TRIM31: variants seen among roughly 807,000 people sequenced by gnomAD.
The protein encoded by TRIM31 is tripartite motif containing 31, also known as E3 ubiquitin-protein ligase TRIM31.
TRIM31 carries 31 observed loss-of-function variants against 40.6 expected under a neutral mutation model. The ratio of observed to expected loss-of-function variants is 0.76; its 90% CI spans 0.57 to 1.03. The LOEUF is 1.03. Ranked by LOEUF, TRIM31 falls within the 50% of genes least tolerant of loss-of-function variation. The probability of loss-of-function intolerance (pLI) is 0.00; values close to 1 mark genes in which losing one functional copy is unlikely to be tolerated. For missense variants in TRIM31, 455 were observed against 497.5 expected, an observed-to-expected ratio of 0.91 and a Z score of 0.81; for synonymous variants, 164 against 193.9, an observed-to-expected ratio of 0.85 and a Z score of 1.28.
chr6:30,103,583 A>ACTCACT lies in TRIM31; in HGVS notation c.1225_1230dup (p.Ser409_Glu410dup). The ACTCACT allele has an allele frequency of 6.2e-7, 1 of 1,612,982 alleles. No homozygotes were observed. The highest frequency in any genetic ancestry group is 1.6e-4 in the Middle Eastern group (1 of 6,062). On this transcript the variant is annotated inframe_insertion, in exon 9 of 9. Coordinates refer to ENST00000376734, the MANE Select transcript of TRIM31 (RefSeq NM_007028.5). ...AACCAAGCCCGGATCGCTGTCAGCC[A>ACTCACT]CTCACTCAGTGCCGCATGGAGCTCC...
In TRIM31 at chr6:30,110,655, T is replaced by C. The variant is rs1296973683; in HGVS notation, c.537A>G (p.Gln179=). The change falls in exon 4 of 9, where the codon CAA becomes CAG. Residue 179 remains glutamine (Q), a synonymous_variant. Transcript: ENST00000376734. ...GGAGTTCAAATTCTGTGAGGATCCTTTGCTTCTCATGTTCTACCTGGTCCT... is the reference window on the plus strand; with the variant it reads ...GGAGTTCAAATTCTGTGAGGATCCTCTGCTTCTCATGTTCTACCTGGTCCT... The part of the protein sequence containing the change: ...VFTDQVEHEK[Q]RILTEFELLH... 6.2e-7 allele frequency: 1 copy of C among 1,614,084 alleles called. No homozygotes were observed. The highest frequency in any genetic ancestry group is 1.3e-5 in the African/African-American group (1 of 74,928).
At chr6:30,111,030 C>CTTTTTTTTTTTTTTTTTTTTTTTTT (rs9278578) in intron 3 of TRIM31, among the ~76,000 whole-genome samples, 80 of 114,288 alleles carry the variant, frequency 7.0e-4, no homozygotes, top group Middle Eastern at 4.4e-3. Context: ...TTCCTTCTGT[C>CTTTTTTTTTTTTTTTTTTTTTTTTT]TTTTTTTTTT....
intron 2 of TRIM31, chr6:30,111,973 A>G (rs1769377041): frequency 1.7e-6 from 1 of 586,232 alleles, no homozygotes; most frequent in East Asian, 2.8e-5. Context: ...AACTAGGACT[A>G]TGGATGGTGC....
chr6:30,111,030 C>CTTTTTGTTTTTTTTTTTTT (rs1769255096), intron 3 of TRIM31, among the ~76,000 whole-genome samples: 1 of 114,310 alleles, frequency 8.7e-6, no homozygotes, highest in Non-Finnish European at 1.8e-5. Context: ...TTCCTTCTGT[C>CTTTTTGTTTTTTTTTTTTT]TTTTTTTTTT....
rs1769482064 is a variant in TRIM31 at position 30,112,695 on chromosome 6, G to A, written c.111C>T (p.Leu37=). 1 of 1,613,014 alleles carries A rather than the reference G, an allele frequency of 6.2e-7. No individual in the cohort carries two copies. Among genetic ancestry groups the A allele is most frequent in the African/African-American group, 1.3e-5 (1 of 74,928 alleles). ...VTIDCGHNFC[L]KCITQIGETS... ...TTTCCCCAATCTGAGTGATGCATTT[G>A]AGGCAGAAATTGTGCCCACAGTCGA... The change falls in exon 2 of 9, where the codon CTC becomes CTT. Residue 37 remains leucine (L), a synonymous_variant. Coordinates refer to ENST00000376734, the MANE Select transcript of TRIM31 (RefSeq NM_007028.5).
In TRIM31 at chr6:30,104,071, G is replaced by T. The variant is rs1768457755; in HGVS notation, c.1024+31C>A. The T allele has an allele frequency of 3.1e-6, 5 of 1,608,202 alleles. No homozygotes were observed. The African/African-American group carries it at 5.4e-5, about 17-fold the overall frequency. ...ATTTTGACCACCTGTAGACTTAGAG[G>T]TCCCTTAGTATTCAGAGACAGGACT... On this transcript the variant is annotated intron_variant, in intron 8 of 8. Transcript: ENST00000376734.
chr6:30,108,423 G>C (rs951373973), intron 5 of TRIM31, among the ~76,000 whole-genome samples: 7 of 152,022 alleles, frequency 4.6e-5, no homozygotes, highest in African/African-American at 9.7e-5. Flanking sequence ...GCCAGGCTTG[G>C]TGGCAAGCGC....
At chr6:30,109,604 G>A (rs1769088422) in intron 4 of TRIM31, among the ~76,000 whole-genome samples, 1 of 152,162 alleles carries the variant, frequency 6.6e-6, no homozygotes, top group African/African-American at 2.4e-5. Flanking sequence ...ATAGAGGCCA[G>A]GCACGGTGGT....
chr6:30,110,699 G>T (rs1451075745), intron 3 of TRIM31, 21 bp from the exon 4 acceptor site: 2 of 1,610,210 alleles, frequency 1.2e-6, no homozygotes, highest in Non-Finnish European at 1.7e-6. Context: ...GGGACAGGCA[G>T]AGGGTGAGAG....
Position 30,103,704 on chromosome 6 carries a change from G to T in TRIM31, c.1110C>A (p.Val370=). 6.2e-7 allele frequency: 1 copy of T among 1,613,096 alleles called. No individual in the cohort carries two copies. The highest frequency in any genetic ancestry group is 8.5e-7 in the Non-Finnish European group (1 of 1,180,034). ...SLFRASSAGK[V]TFPVCLLASY... is the part of the protein sequence containing the mutation. ...AGGCCAGGAGACATACTGGAAAAGT[G>T]ACTTTCCCAGCAGACGAGGCCCGAA... Residue 370 remains valine, a synonymous_variant, in exon 9 of 9, where the codon GTC becomes GTA. Transcript: ENST00000376734.
At position 30,103,487 on chromosome 6, in the gene TRIM31, G is replaced by C. The variant is rs777867617; in HGVS notation, c.*49C>G. ...AGCCACTCACTCAGCGCCACTCTAT[G>C]CTCCGAAGTCCGTGTAGCACCACCG... On this transcript the variant is annotated 3_prime_UTR_variant, in exon 9 of 9. Transcript: ENST00000376734. 4 of 1,606,180 alleles carry C rather than the reference G, an allele frequency of 2.5e-6. No individual in the cohort carries two copies. The highest frequency in any genetic ancestry group is 3.4e-6 in the Non-Finnish European group (4 of 1,176,456).
chr6:30,105,398 C>T (rs578054493), intron 6 of TRIM31, 156 bp from the exon 7 acceptor site: 1 of 603,732 alleles, frequency 1.7e-6, no homozygotes, highest in Non-Finnish European at 2.9e-6. Context: ...GTATGCAACC[C>T]TTGAGAGATG....
At chr6:30,104,578 A>G (rs894158398) in intron 7 of TRIM31, among the ~76,000 whole-genome samples, 3 of 152,220 alleles carry the variant, frequency 2.0e-5, no homozygotes, top group African/African-American at 7.2e-5. Flanking sequence ...CTTAATGATC[A>G]TATGACCTGG....
At chr6:30,103,874 C>G in intron 8 of TRIM31, 85 bp from the exon 9 acceptor site, 1 of 1,578,884 alleles carries the variant, frequency 6.3e-7, no homozygotes, top group South Asian at 1.1e-5. Context: ...CAGCTGAGCT[C>G]TACATACAGC....
At chr6:30,111,846 C>A in intron 2 of TRIM31, 103 bp from the exon 3 acceptor site, 1 of 1,067,106 alleles carries the variant, frequency 9.4e-7, no homozygotes, top group South Asian at 1.4e-5. Flanking sequence ...CCAGGTGAGT[C>A]CTTGTGTAAT....
chr6:30,109,495 A>G (rs902580981), intron 4 of TRIM31, among the ~76,000 whole-genome samples: 1 of 152,252 alleles, frequency 6.6e-6, no homozygotes, highest in African/African-American at 2.4e-5. Context: ...TATGGTAGCC[A>G]CCAACCACAT....
chr6:30,109,658 A>G (rs1194652473), intron 4 of TRIM31, among the ~76,000 whole-genome samples: 1 of 152,176 alleles, frequency 6.6e-6, no homozygotes, highest in Non-Finnish European at 1.5e-5. Context: ...AGGTGGGCAG[A>G]TCACTTGAGG....
Position 30,112,436 on chromosome 6 carries a change from T to C in TRIM31, c.370A>G (p.Lys124Glu). The change falls in exon 2 of 9, where the codon AAA becomes GAA. Residue 124 changes from lysine (K) to glutamate (E), a missense_variant. Transcript: ENST00000376734. ...TCGATCAAGCTGACATTATGGGATTTGTGGTCCTTGGATTCACGACACACA... is the reference window on the plus strand; with the variant it reads ...TCGATCAAGCTGACATTATGGGATTCGTGGTCCTTGGATTCACGACACACA... ...CFVCRESKDH[K>E]SHNVSLIEEA... is the part of the protein sequence containing the mutation. The C allele has an allele frequency of 6.2e-7, 1 of 1,613,060 alleles. No homozygotes were observed. The highest frequency in any genetic ancestry group is 8.5e-7 in the Non-Finnish European group (1 of 1,180,000).
rs1267605789 is a variant in TRIM31, at chr6:30,110,564, C to G, written c.628G>C (p.Gly210Arg). 1.2e-6 allele frequency: 2 copies of G among 1,614,072 alleles called. No homozygotes were observed. Among genetic ancestry groups the G allele is most frequent in the African/African-American group, 2.7e-5 (2 of 74,914 alleles). ...LSRIYWLGHE[G>R]TEAGKHYVAS... Reference sequence around the variant, plus strand: ...ACATAGTGTTTCCCCGCTTCCGTTCCCTCATGACCCAGCCAGTAAATCCGT... The same window carrying G: ...ACATAGTGTTTCCCCGCTTCCGTTCGCTCATGACCCAGCCAGTAAATCCGT... Residue 210 changes from glycine (G) to arginine (R), a missense_variant, in exon 4 of 9, where the codon GGA (glycine) becomes CGA (arginine). Transcript: ENST00000376734.
Sources: allele counts gnomAD v4.1 joint callset (sites outside exome capture counted in the v4.1 genomes callset), GRCh38; gene constraint gnomAD v4.1.1; transcripts MANE v1.5; gene names NCBI Gene and HGNC (gene_info 2026-07-23, HGNC 2026-07-21).